The following DOCK8 variants were observed in gnomAD, a reference collection of about 807,000 sequenced individuals.
DOCK8 encodes the protein dedicator of cytokinesis protein 8.
DOCK8 carries 141 observed loss-of-function variants against 245.6 expected under a neutral mutation model. That is an observed-to-expected ratio of 0.57 (90% confidence interval 0.50 to 0.66). DOCK8 has a LOEUF of 0.66. Ranked by LOEUF, DOCK8 falls within the 30% of genes least tolerant of loss-of-function variation. DOCK8 has a pLI of 0.00. For missense variants in DOCK8, 2,965 were observed against 2,603.4 expected (o/e 1.14, Z -3.02); for synonymous variants, 1,168 against 970.2 (o/e 1.20, Z -3.79).
chr9:215,053 A>T, intron 1 of DOCK8, 24 bp downstream of exon 1: 1 of 1,562,380 alleles, frequency 6.4e-7, no homozygotes, highest in East Asian at 2.4e-5. Context: ...CGCGGCGCGC[A>T]GGTTGCGGCC....
intron 14 of DOCK8, among the ~76,000 whole-genome samples, chr9:342,041 C>T (rs879589106): frequency 7.9e-5 from 12 of 152,118 alleles, no homozygotes; most frequent in African/African-American, 2.9e-4. Flanking sequence ...CCTACTGATT[C>T]TATATTATTG....
intron 5 of DOCK8, among the ~76,000 whole-genome samples, chr9:307,972 C>G (rs749264979): frequency 7.9e-5 from 12 of 152,158 alleles, no homozygotes; most frequent in Non-Finnish European, 1.3e-4. Flanking sequence ...ACTAATACTG[C>G]ATGATCTCAC....
Position 403,903 on chromosome 9 carries a change from T to TAC in DOCK8, c.3235-1014_3235-1013insCA, listed in dbSNP as rs1564021105. Reference sequence around the variant, plus strand: ...CTCTCTCTCTCTCTCTATATATATATATATATATATATACATATATATATA... The same window carrying TAC: ...CTCTCTCTCTCTCTCTATATATATATACATATATATATATACATATATATATA... On this transcript the variant is annotated intron_variant, in intron 26 of 47. Coordinates refer to ENST00000432829, the MANE Select transcript of DOCK8 (RefSeq NM_203447.4). 6.0e-5 allele frequency among the ~76,000 whole-genome samples: 5 copies of TAC among 82,702 alleles called. No homozygotes were observed. In the South Asian group the frequency reaches 1.1e-3, roughly 18 times the overall value. The allele number at this position is 82,702 out of a possible 152,430, so 54.3% of individuals were successfully genotyped here.
At chr9:331,970 T>C (rs1028710277) in intron 9 of DOCK8, among the ~76,000 whole-genome samples, 1 of 152,250 alleles carries the variant, frequency 6.6e-6, no homozygotes, top group Non-Finnish European at 1.5e-5. Flanking sequence ...TTTTACATTG[T>C]AAGCAATAAT....
chr9:296,740 A>T (rs1172298310), intron 4 of DOCK8, among the ~76,000 whole-genome samples: 1 of 152,158 alleles, frequency 6.6e-6, no homozygotes, highest in Non-Finnish European at 1.5e-5. Context: ...TTGCTTTCTA[A>T]AAGTATGAAA....
At chr9:431,513 G>GATTT (rs1199355076) in intron 36 of DOCK8, among the ~76,000 whole-genome samples, 1 of 151,830 alleles carries the variant, frequency 6.6e-6, no homozygotes, top group African/African-American at 2.4e-5. Context: ...GAAGTCCCCT[G>GATTT]ATTTATTTAT....
At chr9:333,472 G>A (rs531047992) in intron 10 of DOCK8, among the ~76,000 whole-genome samples, 10 of 152,192 alleles carry the variant, frequency 6.6e-5, no homozygotes, top group South Asian at 6.2e-4. Flanking sequence ...ATGGTGGCAC[G>A]TGCCTGTATT....
At chr9:437,513 C>T (rs1409228514) in intron 39 of DOCK8, among the ~76,000 whole-genome samples, 5 of 152,190 alleles carry the variant, frequency 3.3e-5, no homozygotes, top group Non-Finnish European at 7.3e-5. Flanking sequence ...GTCATGGGTC[C>T]ACACCTGGAA....
intron 7 of DOCK8, among the ~76,000 whole-genome samples, chr9:323,458 T>G (rs145169930): frequency 0.038 from 5,830 of 152,092 alleles, 135 homozygotes; most frequent in South Asian, 0.088. Context: ...CCTGACCTCA[T>G]GATCCGCTTG....
At chr9:420,134 A>G in intron 30 of DOCK8, 1 of 516,518 alleles carries the variant, frequency 1.9e-6, no homozygotes, top group Admixed American at 3.1e-5. Context: ...CCTAAGACAG[A>G]GGTACTCAGA....
chr9:320,118 G>A (rs1311879907), intron 7 of DOCK8, among the ~76,000 whole-genome samples: 3 of 151,872 alleles, frequency 2.0e-5, no homozygotes, highest in Non-Finnish European at 4.4e-5. Context: ...AAAAGCCCAG[G>A]TTCTGTGATC....
At chr9:435,638 G>A (rs775615733) in intron 39 of DOCK8, among the ~76,000 whole-genome samples, 38 of 152,156 alleles carry the variant, frequency 2.5e-4, no homozygotes, top group Non-Finnish European at 4.9e-4. Flanking sequence ...GAATCAAATT[G>A]ACCTGAGAAG....
chr9:389,758 G>A (rs1003046774), intron 23 of DOCK8, among the ~76,000 whole-genome samples: 3 of 152,118 alleles, frequency 2.0e-5, no homozygotes, highest in South Asian at 2.1e-4. Flanking sequence ...GCTCACACCC[G>A]TAATCCCAGC....
chr9:258,824 C>T (rs530255596), intron 1 of DOCK8, among the ~76,000 whole-genome samples: 1 of 152,174 alleles, frequency 6.6e-6, no homozygotes, highest in Admixed American at 6.5e-5. Flanking sequence ...TCTCGAACTC[C>T]TGACCTCAGG....
chr9:248,240 C>T (rs1392038448), intron 1 of DOCK8, among the ~76,000 whole-genome samples: 2 of 152,196 alleles, frequency 1.3e-5, no homozygotes, highest in African/African-American at 2.4e-5. Context: ...GCCTGTTTCT[C>T]CCTATAGTCT....
chr9:445,437 T>G (rs2057223765), intron 43 of DOCK8, among the ~76,000 whole-genome samples: 2 of 152,208 alleles, frequency 1.3e-5, no homozygotes, highest in South Asian at 4.1e-4. Flanking sequence ...ATTGTCGTCT[T>G]TAATGAGTAC....
At chr9:400,165 A>T (rs200728154) in intron 26 of DOCK8, among the ~76,000 whole-genome samples, 68 of 86,082 alleles carry the variant, frequency 7.9e-4, no homozygotes, top group East Asian at 3.1e-3. Flanking sequence ...CACCACCACC[A>T]CCTCCACCAT....
At chr9:215,093 C>A in intron 1 of DOCK8, 64 bp downstream of exon 1, 1 of 1,519,350 alleles carries the variant, frequency 6.6e-7, no homozygotes, top group Non-Finnish European at 8.8e-7. Context: ...TGAAGCGGAG[C>A]TTCGCTGCAG....
intron 14 of DOCK8, 114 bp from the exon 15 acceptor site, chr9:367,904 A>G: frequency 2.4e-6 from 2 of 838,058 alleles, no homozygotes; most frequent in Admixed American, 1.9e-5. Context: ...TTCTGAGAGG[A>G]AAAACTTCTT....
Sources: allele counts gnomAD v4.1 joint callset (sites outside exome capture counted in the v4.1 genomes callset), GRCh38; gene constraint gnomAD v4.1.1; transcripts MANE v1.5; gene names NCBI Gene and HGNC (gene_info 2026-07-23, HGNC 2026-07-21).